The following CEMIP variants were observed in gnomAD, a reference collection of about 807,000 sequenced individuals.
CEMIP encodes cell migration-inducing and hyaluronan-binding protein.
CEMIP carries 105 observed loss-of-function variants against 156.9 expected under a neutral mutation model. The observed-to-expected ratio is 0.67, with a 90% CI of 0.57 to 0.79. The LOEUF is 0.79. CEMIP is among the 30% of genes least tolerant of loss of function. The probability of loss-of-function intolerance (pLI) is 0.00; values close to 1 mark genes in which losing one functional copy is unlikely to be tolerated. For synonymous variants in CEMIP, 676 were observed against 668.4 expected (o/e 1.01, Z -0.17); for missense variants, 1,457 against 1,769.4 (o/e 0.82, Z 3.17).
chr15:80,902,956 A>G (rs932939404), intron 12 of CEMIP: 3 of 152,190 alleles, frequency 2.0e-5, no homozygotes, highest in South Asian at 2.1e-4. Context: ...ATGTGCTATT[A>G]TTATCTCCAT....
chr15:80,846,296 A>T (rs771747856), intron 1 of CEMIP, among the ~76,000 whole-genome samples: 3 of 151,736 alleles, frequency 2.0e-5, no homozygotes, highest in Non-Finnish European at 4.4e-5. Context: ...CACTCAACCA[A>T]CCAGAGCGCT....
At chr15:80,806,351 A>G (rs1380537018) in intron 1 of CEMIP, among the ~76,000 whole-genome samples, 2 of 152,210 alleles carry the variant, frequency 1.3e-5, no homozygotes, top group Non-Finnish European at 2.9e-5. Flanking sequence ...AAAGGCTTGT[A>G]TGACAGAGCC....
intron 25 of CEMIP, among the ~76,000 whole-genome samples, chr15:80,938,496 T>C (rs916820629): frequency 6.6e-6 from 1 of 152,142 alleles, no homozygotes; most frequent in African/African-American, 2.4e-5. Context: ...TCCCAGCTAC[T>C]CAGGAGGCTG....
intron 1 of CEMIP, among the ~76,000 whole-genome samples, chr15:80,798,709 TC>T (rs1896295282): frequency 1.3e-5 from 2 of 152,342 alleles, no homozygotes; most frequent in East Asian, 3.9e-4. Flanking sequence ...TTCATATTTT[TC>T]TTATCAGTAG....
Position 80,925,608 on chromosome 15 carries a change from C to T in CEMIP, c.2289-16C>T, listed in dbSNP as rs1900628195. The T allele has an allele frequency of 3.1e-6, 5 of 1,610,998 alleles. No individual in the cohort carries two copies. The highest frequency in any genetic ancestry group is 3.4e-6 in the Non-Finnish European group (4 of 1,179,824). Reference sequence around the variant, plus strand: ...CCAACACCGCCACCTGTGCCCTCCCCATGGTTGTGCTGCAGATACAGCCCT... The same window carrying T: ...CCAACACCGCCACCTGTGCCCTCCCTATGGTTGTGCTGCAGATACAGCCCT... On this transcript the variant is annotated splice_polypyrimidine_tract_variant and intron_variant, in intron 18 of 29. Transcript: ENST00000394685.
At chr15:80,926,909 C>CA (rs961721846) in intron 19 of CEMIP, among the ~76,000 whole-genome samples, 92 of 150,582 alleles carry the variant, frequency 6.1e-4, no homozygotes, top group African/African-American at 2.1e-3. Context: ...CAGCACACTG[C>CA]AACCTCTGCT....
Position 80,931,903 on chromosome 15 carries a change from A to G in CEMIP, c.2657A>G (p.Asn886Ser), listed in dbSNP as rs761999107. The change falls in exon 22 of 30, where the codon AAC becomes AGC. Residue 886 changes from asparagine to serine, a missense_variant. Around this residue, in one of 5 missense-constraint regions of CEMIP, gnomAD observed 798 missense variants for 980.1 expected, o/e 0.81. Transcript: ENST00000394685. The stretch of plus-strand genomic sequence containing the variant: ...ATTCAGTTATATGATGGCCCCATCA[A>G]CATCCAAAACTGCACTTTCCGAAAG... The part of the protein sequence containing the change: ...RGIQLYDGPI[N>S]IQNCTFRKFV... 1 of 1,614,250 alleles carries G rather than the reference A, an allele frequency of 6.2e-7. No homozygotes were observed. The highest frequency in any genetic ancestry group is 8.5e-7 in the Non-Finnish European group (1 of 1,180,042).
chr15:80,861,437 C>T (rs1044173755), intron 1 of CEMIP, among the ~76,000 whole-genome samples: 2 of 152,238 alleles, frequency 1.3e-5, no homozygotes, highest in Non-Finnish European at 2.9e-5. Context: ...ATCCTTGGCA[C>T]CTGCTGTATT....
intron 14 of CEMIP, among the ~76,000 whole-genome samples, chr15:80,916,274 G>A (rs1900270654): frequency 6.6e-6 from 1 of 152,218 alleles, no homozygotes; most frequent in Admixed American, 6.5e-5. Flanking sequence ...CACTGAAGCA[G>A]TCGCTACTGG....
chr15:80,896,326 A>C, intron 12 of CEMIP: 1 of 628,530 alleles, frequency 1.6e-6, no homozygotes, highest in Non-Finnish European at 3.0e-6. Flanking sequence ...CATTCTTCCC[A>C]AAACATATTC....
At position 80,920,305 on chromosome 15, in the gene CEMIP, T is replaced by G; in HGVS notation, c.2003+6T>G. The G allele has an allele frequency of 6.2e-7, 1 of 1,612,648 alleles. No individual in the cohort carries two copies. Among genetic ancestry groups the G allele is most frequent in the Non-Finnish European group, 8.5e-7 (1 of 1,178,742 alleles). ...AAGCCCAGGCAAGACTGCAAGTAAG[T>G]GCCTGGACCCCTCTCTGTGTGCTGG... On this transcript the variant is annotated splice_donor_region_variant and intron_variant, in intron 15 of 29. Transcript: ENST00000394685.
At chr15:80,866,442 A>G (rs1898127490) in intron 1 of CEMIP, among the ~76,000 whole-genome samples, 1 of 152,066 alleles carries the variant, frequency 6.6e-6, no homozygotes, top group Non-Finnish European at 1.5e-5. Flanking sequence ...ATACAAAAAA[A>G]TTAGCCAGGC....
intron 1 of CEMIP, among the ~76,000 whole-genome samples, chr15:80,858,537 A>T (rs939128167): frequency 6.0e-5 from 9 of 150,824 alleles, no homozygotes; most frequent in Non-Finnish European, 1.2e-4. Flanking sequence ...AACATGGAGA[A>T]ACCTGGTCTC....
chr15:80,814,232 G>A (rs1567056649), intron 1 of CEMIP, among the ~76,000 whole-genome samples: 1 of 151,786 alleles, frequency 6.6e-6, no homozygotes, highest in Non-Finnish European at 1.5e-5. Context: ...TGTATTTTTA[G>A]TAGAGACGGG....
chr15:80,799,017 C>T (rs1033927029), intron 1 of CEMIP, among the ~76,000 whole-genome samples: 4 of 152,134 alleles, frequency 2.6e-5, no homozygotes, highest in Non-Finnish European at 4.4e-5. Context: ...TTCCTTTATC[C>T]GTTGATTTGT....
At chr15:80,886,761 G>A (rs536201143) in intron 7 of CEMIP, among the ~76,000 whole-genome samples, 1 of 152,316 alleles carries the variant, frequency 6.6e-6, no homozygotes, top group South Asian at 2.1e-4. Flanking sequence ...AGAGCTGTGG[G>A]AAAATGTGGT....
chr15:80,884,111 C>G, intron 6 of CEMIP, 64 bp from the exon 7 acceptor site: 2 of 1,523,284 alleles, frequency 1.3e-6, no homozygotes, highest in African/African-American at 1.4e-5. Flanking sequence ...CAGGCATGTG[C>G]TTAGAGCTCT....
intron 1 of CEMIP, among the ~76,000 whole-genome samples, chr15:80,857,825 C>T (rs1897889998): frequency 6.6e-6 from 1 of 152,138 alleles, no homozygotes; most frequent in African/African-American, 2.4e-5. Context: ...CAGGATGCTA[C>T]AAAGGGTATT....
intron 12 of CEMIP, among the ~76,000 whole-genome samples, chr15:80,904,367 G>A (rs992841052): frequency 3.3e-5 from 5 of 152,102 alleles, no homozygotes; most frequent in African/African-American, 1.2e-4. Flanking sequence ...TTCCAGCCTG[G>A]GTGACAGGGC....
Sources: gnomAD v4.1 joint callset for allele counts (sites outside exome capture counted in the v4.1 genomes callset) on GRCh38, gnomAD v4.1.1 for gene constraint, gnomAD v4.1.1 regional missense constraint, MANE v1.5 for transcripts, NCBI Gene and HGNC (gene_info 2026-07-23, HGNC 2026-07-21) for gene names.